The following B3GALT5 variants were observed in gnomAD, a reference collection of about 807,000 sequenced individuals.
B3GALT5 encodes the protein beta-1,3-galactosyltransferase 5, also known as UDP-Gal:betaGlcNAc beta 1,3-galactosyltransferase, polypeptide 5.
For synonymous variants in B3GALT5, 156 were observed against 158.6 expected, an observed-to-expected ratio of 0.98 and a Z score of 0.12; for missense variants, 328 against 396.6, an observed-to-expected ratio of 0.83 and a Z score of 1.47.
intron 2 of B3GALT5, among the ~76,000 whole-genome samples, chr21:39,652,973 G>C (rs1287508803): frequency 3.3e-5 from 5 of 152,132 alleles, no homozygotes; most frequent in African/African-American, 1.2e-4. Context: ...GGTACAATTT[G>C]CATATAGTGA....
intron 1 of B3GALT5, among the ~76,000 whole-genome samples, chr21:39,639,400 T>TTTCTTTCTTTCTTTC (rs1555926182): frequency 1.7e-5 from 1 of 57,154 alleles, no homozygotes; most frequent in Non-Finnish European, 3.4e-5. Flanking sequence ...CCTTCTTTCT[T>TTTCTTTCTTTCTTTC]TTTCTTTCTT....
intron 1 of B3GALT5, among the ~76,000 whole-genome samples, chr21:39,623,620 C>T (rs1055747215): frequency 6.6e-6 from 1 of 151,930 alleles, no homozygotes; most frequent in African/African-American, 2.4e-5. Flanking sequence ...TACTTCTTTC[C>T]AGCATTTTGG....
In B3GALT5 at chr21:39,620,130, C is replaced by T. The variant is rs1444809480; in HGVS notation, c.-392+7063C>T. On this transcript the variant is annotated intron_variant, in intron 1 of 3. Coordinates refer to ENST00000684187, the MANE Select transcript of B3GALT5 (RefSeq NM_001356336.2). ...CGTGAGCCTGCCCGGCCATAATATT[C>T]CTAATCTTCAGACCTTGTTTGAATT... Among the ~76,000 whole-genome samples the T allele has an allele frequency of 4.6e-5, 7 of 152,340 alleles. No homozygotes were observed. In the East Asian group the frequency reaches 1.4e-3, roughly 29 times the overall value.
chr21:39,628,426 A>G (rs651029), intron 1 of B3GALT5, among the ~76,000 whole-genome samples: 78,552 of 152,002 alleles, frequency 0.52, 20,617 homozygotes, highest in South Asian at 0.6. Flanking sequence ...AGTCTTTGTT[A>G]TCTCTCATTC....
intron 1 of B3GALT5, among the ~76,000 whole-genome samples, chr21:39,623,309 G>C (rs1016325113): frequency 7.9e-4 from 110 of 139,438 alleles, no homozygotes; most frequent in African/African-American, 2.7e-3. Context: ...CTCTTTTCTT[G>C]GGTAATTTCC....
intron 1 of B3GALT5, among the ~76,000 whole-genome samples, chr21:39,624,861 T>C (rs1247224507): frequency 6.6e-6 from 1 of 152,164 alleles, no homozygotes; most frequent in African/African-American, 2.4e-5. Context: ...GTTTTTTTTT[T>C]TTCTTTCCAT....
chr21:39,613,659 CGT>C lies in B3GALT5; in HGVS notation c.-392+606_-392+607del, dbSNP rs60776259. ...ATTATTTTAAAAACAATATCTGTAC[CGT>C]GTGTGTGTGTGTGAGTGCGTGTGTG... On this transcript the variant is annotated intron_variant, in intron 1 of 3. Transcript: ENST00000684187. 8.4e-3 allele frequency among the ~76,000 whole-genome samples: 1,266 copies of C among 150,990 alleles called. 21 individuals carry two copies. Among genetic ancestry groups the C allele is most frequent in the African/African-American group, 0.029 (1,190 of 41,348 alleles).
intron 1 of B3GALT5, among the ~76,000 whole-genome samples, chr21:39,622,565 T>TC (rs1206882706): frequency 6.6e-6 from 1 of 152,046 alleles, no homozygotes; most frequent in Non-Finnish European, 1.5e-5. Flanking sequence ...TTTTCTTTTC[T>TC]CCCCCTAACT....
chr21:39,635,803 A>G (rs1195370442), intron 1 of B3GALT5, among the ~76,000 whole-genome samples: 1 of 152,122 alleles, frequency 6.6e-6, no homozygotes, highest in Non-Finnish European at 1.5e-5. Flanking sequence ...TAATCCTCAC[A>G]TTCCTATCTC....
At chr21:39,618,180 G>T (rs192057628) in intron 1 of B3GALT5, among the ~76,000 whole-genome samples, 1 of 152,090 alleles carries the variant, frequency 6.6e-6, no homozygotes, top group African/African-American at 2.4e-5. Context: ...TTGTAGGATT[G>T]TACTACAATT....
At chr21:39,615,511 A>T (rs937434681) in intron 1 of B3GALT5, among the ~76,000 whole-genome samples, 2 of 152,250 alleles carry the variant, frequency 1.3e-5, no homozygotes, top group Non-Finnish European at 2.9e-5. Flanking sequence ...CATCGGAGCC[A>T]GAAGTCGTTT....
At chr21:39,651,284 A>G (rs1015118873) in intron 2 of B3GALT5, among the ~76,000 whole-genome samples, 3 of 152,294 alleles carry the variant, frequency 2.0e-5, no homozygotes, top group African/African-American at 7.2e-5. Flanking sequence ...AAACACAGAC[A>G]TTTGCTGTCT....
At chr21:39,627,022 CT>C (rs1361431082) in intron 1 of B3GALT5, among the ~76,000 whole-genome samples, 1 of 152,170 alleles carries the variant, frequency 6.6e-6, no homozygotes, top group African/African-American at 2.4e-5. Flanking sequence ...CATGGACTTT[CT>C]TCTTTTCAGC....
chr21:39,661,228 C>A lies in B3GALT5; in HGVS notation c.669C>A (p.Gly223=). 1.9e-6 allele frequency: 3 copies of A among 1,614,112 alleles called. No individual in the cohort carries two copies. Among genetic ancestry groups the A allele is most frequent in the Non-Finnish European group, 2.5e-6 (3 of 1,180,038 alleles). Reference sequence around the variant, plus strand: ...CCGGCACCGGCTACGTGTTTTCTGGCGACGTGGCGAGTCAGGTGTACAATG... The same window carrying A: ...CCGGCACCGGCTACGTGTTTTCTGGAGACGTGGCGAGTCAGGTGTACAATG... ...FCSGTGYVFS[G]DVASQVYNVS... The change falls in exon 4 of 4, where the codon GGC becomes GGA. Residue 223 remains glycine, a synonymous_variant. Transcript: ENST00000684187. The surrounding 1 kb of genome is among the most constrained non-coding windows in gnomAD (Gnocchi z 4.7).
chr21:39,622,850 C>A (rs1231607498), intron 1 of B3GALT5, among the ~76,000 whole-genome samples: 1 of 151,358 alleles, frequency 6.6e-6, no homozygotes, highest in Non-Finnish European at 1.5e-5. Flanking sequence ...CATTTTACTT[C>A]TTTTGCTGGT....
chr21:39,644,681 G>C (rs760165), intron 1 of B3GALT5, among the ~76,000 whole-genome samples: 41,307 of 152,110 alleles, frequency 0.27, 5,774 homozygotes, highest in East Asian at 0.42. Context: ...GAGGGAAAGG[G>C]AGCTAGTATT....
intron 2 of B3GALT5, among the ~76,000 whole-genome samples, chr21:39,651,231 C>G (rs1451807227): frequency 6.6e-6 from 1 of 152,192 alleles, no homozygotes; most frequent in Non-Finnish European, 1.5e-5. Flanking sequence ...TGTCTTAGTT[C>G]CCTGCGGCTG....
At chr21:39,633,831 G>T (rs1293872285) in intron 1 of B3GALT5, among the ~76,000 whole-genome samples, 9 of 152,182 alleles carry the variant, frequency 5.9e-5, no homozygotes, top group Admixed American at 5.9e-4. Flanking sequence ...ACAGTCCTGG[G>T]CTTCATTATT....
At chr21:39,623,315 T>C (rs962536048) in intron 1 of B3GALT5, among the ~76,000 whole-genome samples, 10 of 149,698 alleles carry the variant, frequency 6.7e-5, no homozygotes, top group Admixed American at 2.0e-4. Flanking sequence ...TCTTGGGTAA[T>C]TTCCTATATT....
Sources: gnomAD v4.1 joint callset for allele counts (sites outside exome capture counted in the v4.1 genomes callset) on GRCh38, gnomAD v4.1.1 for gene constraint, Gnocchi (gnomAD v3.1) non-coding constraint, MANE v1.5 for transcripts, NCBI Gene and HGNC (gene_info 2026-07-23, HGNC 2026-07-21) for gene names.